CMIP: variants seen among roughly 807,000 people sequenced by gnomAD.
CMIP encodes c-Maf inducing protein.
Under a neutral mutation model 97.3 loss-of-function variants are expected in CMIP, and 13 were observed. The observed-to-expected ratio is 0.13, with a 90% CI of 0.09 to 0.21. The LOEUF is 0.21. CMIP is among the 10% of genes least tolerant of loss of function. The pLI is 1.00. For missense variants in CMIP, 847 were observed against 1,024.9 expected, an observed-to-expected ratio of 0.83 and a Z score of 2.37; for synonymous variants, 538 against 436.3, an observed-to-expected ratio of 1.23 and a Z score of -2.91.
intron 14 of CMIP, among the ~76,000 whole-genome samples, chr16:81,698,753 A>G (rs765414): frequency 0.091 from 13,895 of 152,108 alleles, 681 homozygotes; most frequent in East Asian, 0.16. Context: ...CATCCATTAC[A>G]CACTGACTCC....
At chr16:81,692,036 T>C (rs1375966461) in intron 11 of CMIP, among the ~76,000 whole-genome samples, 196 bp downstream of exon 11, 1 of 151,798 alleles carries the variant, frequency 6.6e-6, no homozygotes, top group African/African-American at 2.4e-5. Context: ...CTCAGAAAAA[T>C]GGGGAACTCA....
At chr16:81,448,423 G>T (rs1232891014) in intron 1 of CMIP, among the ~76,000 whole-genome samples, 1 of 152,254 alleles carries the variant, frequency 6.6e-6, no homozygotes, top group Non-Finnish European at 1.5e-5. Context: ...AGGCTGGGAT[G>T]CAGGCAGACT....
intron 1 of CMIP, among the ~76,000 whole-genome samples, chr16:81,591,969 G>T (rs557828926): frequency 6.6e-6 from 1 of 151,112 alleles, no homozygotes; most frequent in Non-Finnish European, 1.5e-5. Context: ...GATTACAGGC[G>T]CCTGCCACCA....
At chr16:81,656,724 G>A (rs1165328612) in intron 4 of CMIP, among the ~76,000 whole-genome samples, 3 of 152,268 alleles carry the variant, frequency 2.0e-5, no homozygotes, top group East Asian at 1.9e-4. Context: ...TGCAGCCTCC[G>A]CCTTTTGGAT....
intron 1 of CMIP, among the ~76,000 whole-genome samples, chr16:81,602,102 A>G (rs1288688791): frequency 6.6e-6 from 1 of 152,344 alleles, no homozygotes; most frequent in South Asian, 2.1e-4. Context: ...TGTGCATGGC[A>G]GCATAAAATG....
chr16:81,654,897 C>A (rs558406093), intron 4 of CMIP, among the ~76,000 whole-genome samples: 2 of 98,612 alleles, frequency 2.0e-5, no homozygotes, highest in Non-Finnish European at 4.3e-5. Context: ...AGTGAGAAAC[C>A]GTGTTGTAGG....
At chr16:81,449,098 T>C (rs1438242360) in intron 1 of CMIP, among the ~76,000 whole-genome samples, 1 of 152,282 alleles carries the variant, frequency 6.6e-6, no homozygotes. Context: ...CTGTAGGCTT[T>C]GTTTCTTCTG....
At chr16:81,687,786 C>T (rs972201794) in intron 10 of CMIP, among the ~76,000 whole-genome samples, 3 of 152,176 alleles carry the variant, frequency 2.0e-5, no homozygotes, top group Admixed American at 1.3e-4. Flanking sequence ...GGCCAAAAAA[C>T]TCCCTCTTTA....
At chr16:81,543,044 T>G (rs1003117970) in intron 1 of CMIP, among the ~76,000 whole-genome samples, 2 of 152,080 alleles carry the variant, frequency 1.3e-5, no homozygotes, top group African/African-American at 4.8e-5. Flanking sequence ...TTCCACGGGG[T>G]GCTGGTCTGA....
At chr16:81,523,689 A>T (rs537518869) in intron 1 of CMIP, among the ~76,000 whole-genome samples, 2 of 152,338 alleles carry the variant, frequency 1.3e-5, no homozygotes, top group East Asian at 3.9e-4. Flanking sequence ...AACCAAGAGG[A>T]CAGCATCTTT....
intron 1 of CMIP, among the ~76,000 whole-genome samples, chr16:81,462,245 G>C (rs1412109607): frequency 1.3e-5 from 2 of 152,134 alleles, no homozygotes; most frequent in Non-Finnish European, 2.9e-5. Context: ...GGATGTTCTG[G>C]GGTACTGGGT....
intron 1 of CMIP, among the ~76,000 whole-genome samples, chr16:81,492,381 C>T (rs2089419534): frequency 6.6e-6 from 1 of 152,186 alleles, no homozygotes; most frequent in Non-Finnish European, 1.5e-5. Context: ...TGCCTGAGTG[C>T]CTTCAGCTCC....
chr16:81,696,532 C>T, intron 13 of CMIP, 28 bp from the exon 14 acceptor site: 1 of 1,594,726 alleles, frequency 6.3e-7, no homozygotes, highest in Non-Finnish European at 8.5e-7. Flanking sequence ...GCATGCAGCT[C>T]ACACTTGTGT....
chr16:81,563,638 G>A (rs563338732), intron 1 of CMIP, among the ~76,000 whole-genome samples: 2 of 152,332 alleles, frequency 1.3e-5, no homozygotes, highest in South Asian at 4.1e-4. Flanking sequence ...TATTGAGCAT[G>A]ATGCTGTTGC....
chr16:81,581,484 A>G (rs1034325613), intron 1 of CMIP, among the ~76,000 whole-genome samples: 2 of 152,224 alleles, frequency 1.3e-5, no homozygotes, highest in African/African-American at 4.8e-5. Context: ...TTGTGTGTCT[A>G]AGCATATCTA....
At chr16:81,625,642 G>C (rs2017502316) in intron 3 of CMIP, among the ~76,000 whole-genome samples, 1 of 152,252 alleles carries the variant, frequency 6.6e-6, no homozygotes, top group South Asian at 2.1e-4. Flanking sequence ...GAGAGACCCA[G>C]GTATGCACAG....
intron 17 of CMIP, among the ~76,000 whole-genome samples, chr16:81,703,682 G>A (rs1907686256): frequency 1.3e-5 from 2 of 152,036 alleles, no homozygotes; most frequent in African/African-American, 4.8e-5. Context: ...GCCTCAGGGT[G>A]TGAGTCACAG....
intron 10 of CMIP, 31 bp from the exon 11 acceptor site, chr16:81,691,744 C>T (rs1221069705): frequency 6.2e-7 from 1 of 1,604,708 alleles, no homozygotes; most frequent in Non-Finnish European, 8.5e-7. Flanking sequence ...TTGTCCCAAC[C>T]AAAGCTGACT....
At chr16:81,560,401 A>G (rs985638284) in intron 1 of CMIP, among the ~76,000 whole-genome samples, 7 of 151,824 alleles carry the variant, frequency 4.6e-5, no homozygotes, top group African/African-American at 9.7e-5. Flanking sequence ...TGTATTTTTC[A>G]TAGAGATGGG....
Sources: gnomAD v4.1 joint callset for allele counts (sites outside exome capture counted in the v4.1 genomes callset) on GRCh38, gnomAD v4.1.1 for gene constraint, MANE v1.5 for transcripts, NCBI Gene and HGNC (gene_info 2026-07-23, HGNC 2026-07-21) for gene names.